The following EHMT1 variants were observed in gnomAD, a reference collection of about 807,000 sequenced individuals.
The protein encoded by EHMT1 is euchromatic histone lysine methyltransferase 1.
Under a neutral mutation model 147.2 loss-of-function variants are expected in EHMT1, and 15 were observed. The ratio of observed to expected loss-of-function variants is 0.10; its 90% CI spans 0.07 to 0.16. The LOEUF (loss-of-function observed/expected upper bound fraction) is 0.16, where lower values mean the gene tolerates loss of function less well. EHMT1 is among the 10% of genes least tolerant of loss of function. The pLI is 1.00. For synonymous variants in EHMT1, 795 were observed against 709.6 expected, an observed-to-expected ratio of 1.12 and a Z score of -1.91; for missense variants, 1,587 against 1,772.4, an observed-to-expected ratio of 0.90 and a Z score of 1.88.
chr9:137,794,650 GA>G (rs11302977), intron 16 of EHMT1, among the ~76,000 whole-genome samples: 39,329 of 106,156 alleles, frequency 0.37, 5,635 homozygotes, highest in Admixed American at 0.49. Flanking sequence ...CCATCTCTAA[GA>G]AAAAAAAAAA....
At chr9:137,815,596 C>A in intron 22 of EHMT1, 1 of 372,850 alleles carries the variant, frequency 2.7e-6, no homozygotes, top group South Asian at 2.2e-5. Context: ...TGCAGGAGGC[C>A]CCAACCAGCT....
rs777574996 is a variant in EHMT1 at position 137,716,786 on chromosome 9, G to A, written c.246G>A (p.Gln82=). 5.0e-6 allele frequency: 8 copies of A among 1,612,888 alleles called. No individual in the cohort carries two copies. The highest frequency in any genetic ancestry group is 1.6e-4 in the Middle Eastern group (1 of 6,080). The stretch of plus-strand genomic sequence containing the variant: ...AGGACAGCGCAAGGGTCAACCCCCA[G>A]GATGGCACCAACACACTAACTCGGA... ...HTQDSARVNP[Q]DGTNTLTRIA... Residue 82 remains glutamine (Q), a synonymous_variant, in exon 3 of 27, where the codon CAG becomes CAA. Coordinates refer to ENST00000460843, the MANE Select transcript of EHMT1 (RefSeq NM_024757.5).
At chr9:137,791,118 T>G in intron 16 of EHMT1, 148 bp downstream of exon 16, 6 of 1,351,316 alleles carry the variant, frequency 4.4e-6, no homozygotes, top group Non-Finnish European at 6.2e-6. Flanking sequence ...TCATCTCACT[T>G]TGGTTACCTG....
intron 1 of EHMT1, among the ~76,000 whole-genome samples, chr9:137,659,419 A>T (rs1460233716): frequency 6.6e-6 from 1 of 151,768 alleles, no homozygotes; most frequent in African/African-American, 2.4e-5. Context: ...TAATTAATTA[A>T]TTATTTTTAG....
intron 1 of EHMT1, among the ~76,000 whole-genome samples, chr9:137,639,042 T>C (rs1844293213): frequency 6.6e-6 from 1 of 152,170 alleles, no homozygotes; most frequent in Non-Finnish European, 1.5e-5. Context: ...AATGTTGATA[T>C]GTTGTATTTT....
At chr9:137,793,672 A>T (rs893673656) in intron 16 of EHMT1, among the ~76,000 whole-genome samples, 1 of 152,260 alleles carries the variant, frequency 6.6e-6, no homozygotes, top group Non-Finnish European at 1.5e-5. Flanking sequence ...GCGTCAGCAC[A>T]TTCAGTCCAT....
intron 25 of EHMT1, among the ~76,000 whole-genome samples, chr9:137,819,756 G>T (rs1339266878): frequency 6.6e-6 from 1 of 151,970 alleles, no homozygotes; most frequent in Non-Finnish European, 1.5e-5. Context: ...TGTGCACAGA[G>T]GCCAACAGAC....
In EHMT1 at chr9:137,686,305, AC is replaced by A. The variant is rs1942423323; in HGVS notation, c.22-24658del. Among the ~76,000 whole-genome samples, 5 of 151,842 alleles carry A rather than the reference AC, an allele frequency of 3.3e-5. No individual in the cohort carries two copies. The South Asian group carries it at 1.0e-3, about 32-fold the overall frequency. On this transcript the variant is annotated intron_variant, in intron 1 of 26. Transcript: ENST00000460843. ...GCCTAACTCAAGGTTGTGAAGACTT[AC>A]CCCTGTGTTTTCTTGTAAGAGTTTT... is the stretch of plus-strand genomic sequence containing the variant.
At chr9:137,710,526 C>G (rs1228102351) in intron 1 of EHMT1, among the ~76,000 whole-genome samples, 1 of 151,838 alleles carries the variant, frequency 6.6e-6, no homozygotes, top group Non-Finnish European at 1.5e-5. Context: ...GATGCTTAAT[C>G]TCAAAGATTT....
chr9:137,661,670 GA>G (rs1473383971), intron 1 of EHMT1, among the ~76,000 whole-genome samples: 1 of 151,628 alleles, frequency 6.6e-6, no homozygotes, highest in Admixed American at 6.6e-5. Context: ...ATTTTTACTA[GA>G]GGCAGGGTTT....
intron 16 of EHMT1, chr9:137,791,949 T>C: frequency 2.7e-6 from 1 of 368,324 alleles, no homozygotes; most frequent in Non-Finnish European, 5.6e-6. Flanking sequence ...GCCAAGCTGG[T>C]CTCGAACTCC....
At chr9:137,803,616 C>T (rs1953681915) in intron 18 of EHMT1, among the ~76,000 whole-genome samples, 1 of 152,110 alleles carries the variant, frequency 6.6e-6, no homozygotes, top group Middle Eastern at 3.2e-3. Flanking sequence ...ATACTCATGC[C>T]TTCATTTTTC....
chr9:137,745,522 C>G (rs966494438), intron 6 of EHMT1: 4 of 398,454 alleles, frequency 1.0e-5, no homozygotes, highest in Non-Finnish European at 1.3e-5. Context: ...CCTGGTGGCT[C>G]TGGCACTCTG....
At chr9:137,707,870 A>T (rs1167883254) in intron 1 of EHMT1, among the ~76,000 whole-genome samples, 2 of 151,692 alleles carry the variant, frequency 1.3e-5, no homozygotes, top group Non-Finnish European at 2.9e-5. Context: ...GCCATGCTCC[A>T]CCCCGGCTCA....
At chr9:137,825,607 A>C (rs543941070) in intron 25 of EHMT1, among the ~76,000 whole-genome samples, 28 of 152,308 alleles carry the variant, frequency 1.8e-4, no homozygotes, top group African/African-American at 6.7e-4. Context: ...TTAGCATCTC[A>C]GAAACCCTGA....
chr9:137,814,736 C>T, intron 22 of EHMT1: 2 of 612,502 alleles, frequency 3.3e-6, no homozygotes, highest in South Asian at 3.8e-5. Flanking sequence ...GGTCTGCATC[C>T]TTTGTGGCTG....
intron 1 of EHMT1, among the ~76,000 whole-genome samples, chr9:137,622,899 C>A (rs1449598355): frequency 7.0e-6 from 1 of 143,188 alleles, no homozygotes; most frequent in Non-Finnish European, 1.5e-5. Context: ...AGAGCAAAAT[C>A]CTGTCTCAAA....
chr9:137,826,658 G>A (rs1955830411), intron 25 of EHMT1, among the ~76,000 whole-genome samples: 1 of 152,258 alleles, frequency 6.6e-6, no homozygotes, highest in Non-Finnish European at 1.5e-5. Flanking sequence ...GATAACCAGT[G>A]AGACCAAGAC....
intron 18 of EHMT1, among the ~76,000 whole-genome samples, chr9:137,805,642 A>T (rs1455594031): frequency 4.6e-5 from 7 of 151,000 alleles, no homozygotes; most frequent in African/African-American, 1.7e-4. Context: ...CCATGTAGTT[A>T]TTCTGTTTAA....
Sources: allele counts gnomAD v4.1 joint callset (sites outside exome capture counted in the v4.1 genomes callset), GRCh38; gene constraint gnomAD v4.1.1; transcripts MANE v1.5; gene names NCBI Gene and HGNC (gene_info 2026-07-23, HGNC 2026-07-21).